SLX4IP: variants seen among roughly 807,000 people sequenced by gnomAD.
The protein encoded by SLX4IP is protein SLX4IP.
In SLX4IP, 34 loss-of-function variants were observed where a neutral mutation model predicts 32.9. The observed-to-expected ratio is 1.03, with a 90% CI of 0.79 to 1.38. The LOEUF (loss-of-function observed/expected upper bound fraction) is 1.38. Ranked by LOEUF, SLX4IP falls within the 40% of genes most tolerant of loss-of-function variation. The pLI is 0.00. For missense variants in SLX4IP, 444 were observed against 479.0 expected, an observed-to-expected ratio of 0.93 and a Z score of 0.68; for synonymous variants, 172 against 171.7, an observed-to-expected ratio of 1.00 and a Z score of -0.01.
intron 2 of SLX4IP, among the ~76,000 whole-genome samples, chr20:10,465,422 T>C (rs1180244823): frequency 6.6e-6 from 1 of 152,212 alleles, no homozygotes; most frequent in Non-Finnish European, 1.5e-5. Flanking sequence ...AACAAAGACC[T>C]TATTGCTTGC....
chr20:10,516,476 G>A (rs2065850859), intron 2 of SLX4IP, among the ~76,000 whole-genome samples: 1 of 152,164 alleles, frequency 6.6e-6, no homozygotes, highest in Non-Finnish European at 1.5e-5. Flanking sequence ...TGAATCTTAG[G>A]CTGTTACAGA....
At chr20:10,605,511 T>G (rs2066895821) in intron 6 of SLX4IP, among the ~76,000 whole-genome samples, 1 of 152,252 alleles carries the variant, frequency 6.6e-6, no homozygotes, top group Admixed American at 6.5e-5. Flanking sequence ...ATTGGATCTC[T>G]TCTGCCGTTC....
chr20:10,622,615 A>T, intron 7 of SLX4IP, 44 bp from the exon 8 acceptor site: 1 of 1,556,288 alleles, frequency 6.4e-7, no homozygotes, highest in Non-Finnish European at 8.6e-7. Context: ...GAAACAGTGC[A>T]GTGACAGCTT....
At chr20:10,612,431 T>C (rs1476321871) in intron 6 of SLX4IP, among the ~76,000 whole-genome samples, 2 of 152,222 alleles carry the variant, frequency 1.3e-5, no homozygotes, top group African/African-American at 4.8e-5. Context: ...TGTATCATTC[T>C]CAGCAGATGT....
At chr20:10,541,358 A>T (rs527864430) in intron 2 of SLX4IP, among the ~76,000 whole-genome samples, 1 of 152,164 alleles carries the variant, frequency 6.6e-6, no homozygotes. Context: ...ACTTCCTATT[A>T]TGAGGTTCCC....
At chr20:10,594,744 T>A (rs1600139700) in intron 4 of SLX4IP, among the ~76,000 whole-genome samples, 1 of 152,306 alleles carries the variant, frequency 6.6e-6, no homozygotes, top group East Asian at 1.9e-4. Flanking sequence ...ATATTTGAGT[T>A]TTTTTGTCGT....
At chr20:10,477,301 A>G (rs2065483767) in intron 2 of SLX4IP, among the ~76,000 whole-genome samples, 1 of 152,050 alleles carries the variant, frequency 6.6e-6, no homozygotes, top group Non-Finnish European at 1.5e-5. Flanking sequence ...ATGCACCACC[A>G]CGCCTGGCTA....
intron 2 of SLX4IP, among the ~76,000 whole-genome samples, chr20:10,469,269 G>T (rs2065404783): frequency 6.6e-6 from 1 of 151,810 alleles, no homozygotes; most frequent in African/African-American, 2.4e-5. Flanking sequence ...CTTTTTTTCA[G>T]TTCCAGTCAG....
intron 2 of SLX4IP, among the ~76,000 whole-genome samples, chr20:10,482,367 A>G (rs1003825458): frequency 1.1e-4 from 17 of 152,116 alleles, no homozygotes; most frequent in Admixed American, 2.6e-4. Flanking sequence ...CGGCTCTTTC[A>G]TGCATTCTAT....
chr20:10,479,479 A>G (rs1294854403), intron 2 of SLX4IP, among the ~76,000 whole-genome samples: 27 of 150,280 alleles, frequency 1.8e-4, no homozygotes, highest in Admixed American at 1.0e-3. Flanking sequence ...CAGCCTCCTG[A>G]GTAGCTGAGA....
intron 2 of SLX4IP, among the ~76,000 whole-genome samples, chr20:10,465,203 G>T (rs1481364096): frequency 1.3e-5 from 2 of 152,146 alleles, no homozygotes; most frequent in African/African-American, 2.4e-5. Context: ...CCCAAGCTTT[G>T]CACCCACCCC....
chr20:10,440,647 T>C (rs188140029), intron 1 of SLX4IP, among the ~76,000 whole-genome samples: 1 of 152,142 alleles, frequency 6.6e-6, no homozygotes. Context: ...GCCACCCCTT[T>C]GTAGTACTCC....
intron 1 of SLX4IP, among the ~76,000 whole-genome samples, chr20:10,453,538 A>C (rs551051115): frequency 1.3e-5 from 2 of 152,258 alleles, no homozygotes; most frequent in African/African-American, 4.8e-5. Context: ...TAGCTTCCTG[A>C]GAAAAAATAC....
chr20:10,472,778 A>G (rs2065436879), intron 2 of SLX4IP, among the ~76,000 whole-genome samples: 1 of 152,238 alleles, frequency 6.6e-6, no homozygotes, highest in Admixed American at 6.5e-5. Context: ...ACGACCCAGA[A>G]GGTGTTAGCA....
At chr20:10,474,468 T>G (rs1446665364) in intron 2 of SLX4IP, among the ~76,000 whole-genome samples, 1 of 152,226 alleles carries the variant, frequency 6.6e-6, no homozygotes, top group African/African-American at 2.4e-5. Flanking sequence ...CTCTGGAGTT[T>G]GCTTTTAAGA....
chr20:10,598,595 T>G (rs1235583339), intron 4 of SLX4IP, 80 bp from the exon 5 acceptor site: 1 of 1,277,004 alleles, frequency 7.8e-7, no homozygotes, highest in East Asian at 2.3e-5. Flanking sequence ...AATGTGTCTT[T>G]TATGGCAGGC....
chr20:10,613,954 G>A, intron 6 of SLX4IP: 1 of 1,162,624 alleles, frequency 8.6e-7, no homozygotes, highest in South Asian at 1.2e-5. Flanking sequence ...ATGAGCACAG[G>A]AGAGTCCTCG....
At chr20:10,521,965 T>A (rs780055782) in intron 2 of SLX4IP, among the ~76,000 whole-genome samples, 3 of 152,106 alleles carry the variant, frequency 2.0e-5, no homozygotes, top group Non-Finnish European at 2.9e-5. Context: ...TTAGTAGAGA[T>A]CTGAAGTATG....
chr20:10,474,349 C>G (rs966592921), intron 2 of SLX4IP, among the ~76,000 whole-genome samples: 1 of 152,182 alleles, frequency 6.6e-6, no homozygotes, highest in African/African-American at 2.4e-5. Flanking sequence ...ATTCTTCAGT[C>G]CAAAATAATA....
Sources: allele counts gnomAD v4.1 joint callset (sites outside exome capture counted in the v4.1 genomes callset), GRCh38; gene constraint gnomAD v4.1.1; transcripts MANE v1.5; gene names NCBI Gene and HGNC (gene_info 2026-07-23, HGNC 2026-07-21).